The following PARD3B variants were observed in gnomAD, a reference collection of about 807,000 sequenced individuals.
PARD3B encodes par-3 family cell polarity regulator beta, also known as partitioning defective 3 homolog B.
PARD3B carries 103 observed loss-of-function variants against 130.2 expected under a neutral mutation model. The ratio of observed to expected loss-of-function variants is 0.79; its 90% CI spans 0.67 to 0.93. The LOEUF (loss-of-function observed/expected upper bound fraction) is 0.93, where lower values mean the gene tolerates loss of function less well. Ranked by LOEUF, PARD3B falls within the 40% of genes least tolerant of loss-of-function variation. The probability of loss-of-function intolerance (pLI) is 0.00; values close to 1 mark genes in which losing one functional copy is unlikely to be tolerated. For missense variants in PARD3B, 1,609 were observed against 1,499.2 expected (o/e 1.07, Z -1.21); for synonymous variants, 583 against 553.2 (o/e 1.05, Z -0.76).
At chr2:205,152,229 T>TA (rs2033807663) in intron 10 of PARD3B, among the ~76,000 whole-genome samples, 1 of 152,166 alleles carries the variant, frequency 6.6e-6, no homozygotes, top group Non-Finnish European at 1.5e-5. Context: ...ATCTGACAGT[T>TA]ATGTGTTTTG....
chr2:205,004,712 T>G (rs1695112648), intron 3 of PARD3B, among the ~76,000 whole-genome samples: 1 of 152,348 alleles, frequency 6.6e-6, no homozygotes, highest in African/African-American at 2.4e-5. Flanking sequence ...AAATATTGCA[T>G]TTCTCTTTAT....
At chr2:205,576,934 G>A (rs2053780893) in intron 22 of PARD3B, among the ~76,000 whole-genome samples, 1 of 152,160 alleles carries the variant, frequency 6.6e-6, no homozygotes, top group South Asian at 2.1e-4. Context: ...AACATGGAAT[G>A]TCTCTCCATT....
At chr2:204,960,197 A>G (rs996309509) in intron 2 of PARD3B, among the ~76,000 whole-genome samples, 17 of 152,198 alleles carry the variant, frequency 1.1e-4, no homozygotes, top group African/African-American at 4.1e-4. Flanking sequence ...TTTAAGGGAC[A>G]CTTTTAAAAA....
At chr2:204,882,905 TTTGG>T (rs2046109168) in intron 2 of PARD3B, among the ~76,000 whole-genome samples, 1 of 152,158 alleles carries the variant, frequency 6.6e-6, no homozygotes, top group Non-Finnish European at 1.5e-5. Context: ...CCTGGTGGAA[TTTGG>T]GGATTATTCT....
intron 11 of PARD3B, among the ~76,000 whole-genome samples, chr2:205,170,862 T>TA (rs1281574209): frequency 6.6e-6 from 1 of 151,860 alleles, no homozygotes; most frequent in Non-Finnish European, 1.5e-5. Context: ...TTCTCACCAC[T>TA]AGAACTCTTT....
At chr2:204,554,500 C>T (rs189114632) in intron 1 of PARD3B, among the ~76,000 whole-genome samples, 51 of 152,012 alleles carry the variant, frequency 3.4e-4, no homozygotes, top group South Asian at 1.9e-3. Flanking sequence ...TCTCATGATC[C>T]ACATACAGTC....
At chr2:205,243,232 T>A (rs2039432504) in intron 15 of PARD3B, among the ~76,000 whole-genome samples, 1 of 152,222 alleles carries the variant, frequency 6.6e-6, no homozygotes, top group Non-Finnish European at 1.5e-5. Context: ...TCTGTCTGAT[T>A]ACTAGCTATG....
intron 19 of PARD3B, among the ~76,000 whole-genome samples, chr2:205,409,346 G>A (rs1041156503): frequency 1.3e-5 from 2 of 152,072 alleles, no homozygotes; most frequent in African/African-American, 2.4e-5. Flanking sequence ...TTATTTGGGG[G>A]CCATTTTTCA....
chr2:204,900,601 G>A (rs1159583747), intron 2 of PARD3B, among the ~76,000 whole-genome samples: 4 of 152,072 alleles, frequency 2.6e-5, no homozygotes, highest in Admixed American at 6.5e-5. Context: ...CTTTTAAAAG[G>A]TCTCTCCGGG....
rs949100502 is a variant in PARD3B, at chr2:205,142,416, C to G, written c.1435-16306C>G. Among the ~76,000 whole-genome samples the G allele has an allele frequency of 2.6e-5, 4 of 152,090 alleles. No individual in the cohort carries two copies. The highest frequency in any genetic ancestry group is 4.4e-5 in the Non-Finnish European group (3 of 68,022). On this transcript the variant is annotated intron_variant, in intron 10 of 22. Transcript: ENST00000406610. The surrounding 1 kb of genome is among the most constrained non-coding windows in gnomAD (Gnocchi z 4.3). ...TCGCTTTTGGGAGGGAACTTAAATA[C>G]AATTTCAAAGAGGTATTGTGGCAGA...
chr2:205,603,461 C>T (rs2054869386), intron 22 of PARD3B, among the ~76,000 whole-genome samples: 1 of 152,250 alleles, frequency 6.6e-6, no homozygotes, highest in African/African-American at 2.4e-5. Context: ...GTTAAAGTCT[C>T]CTACTATTAT....
At chr2:204,829,508 T>C (rs2043723253) in intron 2 of PARD3B, among the ~76,000 whole-genome samples, 1 of 152,174 alleles carries the variant, frequency 6.6e-6, no homozygotes, top group South Asian at 2.1e-4. Context: ...GCCATTAATA[T>C]GTTAGTAAAT....
intron 20 of PARD3B, among the ~76,000 whole-genome samples, chr2:205,491,511 C>A (rs145408695): frequency 6.6e-6 from 1 of 152,100 alleles, no homozygotes; most frequent in African/African-American, 2.4e-5. Flanking sequence ...TTTACTGTAG[C>A]CTTGTAGCAT....
chr2:205,469,821 A>T (rs527969349), intron 20 of PARD3B, among the ~76,000 whole-genome samples: 2 of 152,366 alleles, frequency 1.3e-5, no homozygotes, highest in South Asian at 4.1e-4. Flanking sequence ...CATTTTAAAA[A>T]GCTTGACCAT....
intron 2 of PARD3B, among the ~76,000 whole-genome samples, chr2:204,739,790 A>T (rs1253886974): frequency 6.6e-6 from 1 of 152,058 alleles, no homozygotes; most frequent in African/African-American, 2.4e-5. Flanking sequence ...TCTCAATGTA[A>T]GATAAACAGT....
chr2:205,228,697 C>T (rs2038686738), intron 15 of PARD3B, among the ~76,000 whole-genome samples: 2 of 152,144 alleles, frequency 1.3e-5, no homozygotes, highest in African/African-American at 4.8e-5. Context: ...ATCCCTTTTA[C>T]CCCTGTCTCT....
At chr2:205,210,565 A>G (rs2037573923) in intron 15 of PARD3B, among the ~76,000 whole-genome samples, 1 of 152,142 alleles carries the variant, frequency 6.6e-6, no homozygotes, top group Non-Finnish European at 1.5e-5. Flanking sequence ...TTTGTAAACA[A>G]TCATGATTAT....
At chr2:205,123,670 AAAAT>A (rs1344277239) in intron 8 of PARD3B, among the ~76,000 whole-genome samples, 1,909 of 114,746 alleles carry the variant, frequency 0.017, 59 homozygotes, top group African/African-American at 0.057. Flanking sequence ...AAAAAAAAAA[AAAAT>A]AAGTGGTGGG....
chr2:205,235,463 C>T (rs548025217), intron 15 of PARD3B, among the ~76,000 whole-genome samples: 7 of 152,096 alleles, frequency 4.6e-5, no homozygotes, highest in African/African-American at 1.4e-4. Flanking sequence ...GTCTCCACCC[C>T]CCTTGTCTAC....
Sources: gnomAD v4.1 joint callset for allele counts (sites outside exome capture counted in the v4.1 genomes callset) on GRCh38, gnomAD v4.1.1 for gene constraint, Gnocchi (gnomAD v3.1) non-coding constraint, MANE v1.5 for transcripts, NCBI Gene and HGNC (gene_info 2026-07-23, HGNC 2026-07-21) for gene names.